The following ATG2B variants were observed in gnomAD, a reference collection of about 807,000 sequenced individuals.
ATG2B encodes autophagy related 2B.
ATG2B carries 121 observed loss-of-function variants against 241.3 expected under a neutral mutation model. The observed-to-expected ratio is 0.50, with a 90% CI of 0.43 to 0.58. ATG2B has a LOEUF of 0.58. Ranked by LOEUF, ATG2B falls within the 20% of genes least tolerant of loss-of-function variation. The pLI, the probability that ATG2B is intolerant of heterozygous loss-of-function variation, is 0.00. For synonymous variants in ATG2B, 858 were observed against 876.6 expected (o/e 0.98, Z 0.37); for missense variants, 2,306 against 2,491.6 (o/e 0.93, Z 1.59).
intron 41 of ATG2B, 41 bp from the exon 42 acceptor site, chr14:96,286,026 C>T: frequency 6.5e-7 from 1 of 1,531,414 alleles, no homozygotes; most frequent in Non-Finnish European, 9.0e-7. Context: ...GGGCAGTGAA[C>T]AAACTCTGGT....
In ATG2B at chr14:96,281,701, A is replaced by G. The variant is rs190999145; in HGVS notation, c.*4054T>C. ...TGCTGCTACCCGGGACATTAGAGAT[A>G]TAACTGAGCCAGCTGAGATGACATT... On this transcript the variant is annotated 3_prime_UTR_variant, in exon 42 of 42. Coordinates refer to ENST00000359933, the MANE Select transcript of ATG2B (RefSeq NM_018036.7). 21 of 152,376 alleles carry G rather than the reference A, an allele frequency of 1.4e-4. No homozygotes were observed. The highest frequency in any genetic ancestry group is 1.3e-3 in the Admixed American group (20 of 15,308). The allele number at this position is 152,376 out of a possible 1,614,324, so 9.4% of individuals were successfully genotyped here. A position where few individuals can be genotyped will look rare whatever the true frequency, so the allele number is the denominator to read the frequency against.
chr14:96,354,842 T>G (rs927219748), intron 1 of ATG2B, among the ~76,000 whole-genome samples: 9 of 152,202 alleles, frequency 5.9e-5, no homozygotes, highest in African/African-American at 2.2e-4. Context: ...CCATTTTGAG[T>G]GGTGCGAGAT....
chr14:96,281,809 G>C lies in ATG2B; in HGVS notation c.*3946C>G, dbSNP rs139947158. On this transcript the variant is annotated 3_prime_UTR_variant, in exon 42 of 42. Coordinates refer to ENST00000359933, the MANE Select transcript of ATG2B (RefSeq NM_018036.7). Reference sequence around the variant, plus strand: ...TTGAAATCAAGGGCCAACAATTGTTGTAGGAAAGCAAAATATACCTCTAAC... The same window carrying C: ...TTGAAATCAAGGGCCAACAATTGTTCTAGGAAAGCAAAATATACCTCTAAC... The C allele has an allele frequency of 1.1e-4, 16 of 152,308 alleles. No individual in the cohort carries two copies. In the East Asian group the frequency reaches 2.9e-3, roughly 28 times the overall value. 9.4% of individuals were successfully genotyped at this position (152,308 alleles called of 1,614,324 possible).
chr14:96,328,520 G>A lies in ATG2B; in HGVS notation c.1990C>T (p.Leu664Phe). The A allele has an allele frequency of 6.3e-7, 1 of 1,598,618 alleles. No individual in the cohort carries two copies. The highest frequency in any genetic ancestry group is 1.1e-5 in the South Asian group (1 of 88,394). The change falls in exon 14 of 42, where the codon CTT becomes TTT. Residue 664 changes from leucine to phenylalanine, a missense_variant. Leu to Phe is a conservative substitution (Grantham distance 22). This residue lies in a region of ATG2B where 1,927 missense variants were observed against 2,011.2 expected (regional missense o/e 0.96). Coordinates refer to ENST00000359933, the MANE Select transcript of ATG2B (RefSeq NM_018036.7). Reference sequence around the variant, plus strand: ...TCTGCCTTGTGAGGAACTGAACTAAGTCTTGCTTGATTACCCTTTTAAAAA... The same window carrying A: ...TCTGCCTTGTGAGGAACTGAACTAAATCTTGCTTGATTACCCTTTTAAAAA... ...NRGPQGNQAR[L>F]SSVPHKAELQ...
Position 96,289,747 on chromosome 14 carries a change from T to C in ATG2B, c.5915A>G (p.Lys1972Arg), listed in dbSNP as rs1350687111. ...GTGATGAGGAAACCTTTTGGTCTTC[T>C]TGGGCTCGATAGAAAGGGTACCAGG... Reference protein sequence around the residue: ...VSPGTLSIEPKKTKRFPHHRL... With the variant: ...VSPGTLSIEPRKTKRFPHHRL... Residue 1972 changes from lysine to arginine, a missense_variant, in exon 41 of 42, where the codon AAG becomes AGG. By Grantham distance (26) the Lys-to-Arg change is conservative. This residue lies in a region of ATG2B where 379 missense variants were observed against 480.4 expected (regional missense o/e 0.79). Coordinates refer to ENST00000359933, the MANE Select transcript of ATG2B (RefSeq NM_018036.7). The surrounding 1 kb of genome is among the most constrained non-coding windows in gnomAD (Gnocchi z 4.3). 2 of 1,614,070 alleles carry C rather than the reference T, an allele frequency of 1.2e-6. No individual in the cohort carries two copies. Among genetic ancestry groups the C allele is most frequent in the East Asian group, 2.2e-5 (1 of 44,898 alleles).
At chr14:96,340,322 G>C (rs1449779072) in intron 6 of ATG2B, among the ~76,000 whole-genome samples, 1 of 150,484 alleles carries the variant, frequency 6.6e-6, no homozygotes, top group Non-Finnish European at 1.5e-5. Flanking sequence ...CAGATGAATG[G>C]ATAAAGAAAA....
rs187048285 is a variant in ATG2B, at chr14:96,340,522, C to A, written c.924+1000G>T. ...GATCTCATGAAGATTCCCCTACTCA[C>A]GAAGAGTAGACTGATGGTTACCAGA... On this transcript the variant is annotated intron_variant, in intron 6 of 41. Coordinates refer to ENST00000359933, the MANE Select transcript of ATG2B (RefSeq NM_018036.7). Among the ~76,000 whole-genome samples, 296 of 151,944 alleles carry A rather than the reference C, an allele frequency of 1.9e-3. 3 individuals are homozygous for A. Among genetic ancestry groups the A allele is most frequent in the Non-Finnish European group, 2.9e-3 (199 of 67,938 alleles).
chr14:96,356,836 T>C (rs1003693364), intron 1 of ATG2B, among the ~76,000 whole-genome samples: 19 of 152,092 alleles, frequency 1.2e-4, no homozygotes, highest in African/African-American at 4.6e-4. Context: ...TAAGCTTGAG[T>C]AAGTTATTTA....
intron 29 of ATG2B, among the ~76,000 whole-genome samples, chr14:96,307,641 G>A (rs1387946923): frequency 2.0e-5 from 3 of 151,976 alleles, no homozygotes; most frequent in Non-Finnish European, 2.9e-5. Context: ...ACAATGTGAG[G>A]GGAAACTGGT....
rs184815781 is a variant in ATG2B, at chr14:96,342,578, C to T, written c.744+541G>A. On this transcript the variant is annotated intron_variant, in intron 5 of 41. Transcript: ENST00000359933. ...CTCTACTAAAAATACAAAAATTAGC[C>T]GGGCATGGTAGCATGTGCCTGTAAT... Among the ~76,000 whole-genome samples the T allele has an allele frequency of 6.7e-3, 1,019 of 151,850 alleles. 5 individuals are homozygous for T. The highest frequency in any genetic ancestry group is 0.012 in the Non-Finnish European group (803 of 67,936).
intron 18 of ATG2B, among the ~76,000 whole-genome samples, chr14:96,321,752 G>GGGGT (rs1173384745): frequency 3.9e-5 from 6 of 152,166 alleles, no homozygotes; most frequent in Admixed American, 3.9e-4. Context: ...TACAATGAAT[G>GGGGT]GGGTTCTGAT....
intron 37 of ATG2B, 76 bp from the exon 38 acceptor site, chr14:96,291,758 A>G: frequency 9.1e-7 from 1 of 1,101,480 alleles, no homozygotes. Context: ...TGTTATTTTG[A>G]AAGTCAAAGC....
At chr14:96,323,219 A>C (rs1261647277) in intron 16 of ATG2B, among the ~76,000 whole-genome samples, 1 of 152,202 alleles carries the variant, frequency 6.6e-6, no homozygotes, top group Non-Finnish European at 1.5e-5. Context: ...TCATCTAGTA[A>C]TTTCAATAAT....
Position 96,341,511 on chromosome 14 carries a change from C to CA in ATG2B, c.924+10dup, listed in dbSNP as rs779682868. The CA allele has an allele frequency of 6.4e-7, 1 of 1,552,572 alleles. No homozygotes were observed. ...TTTGGTTTTACTACAGAAAGTGAAA[C>CA]AAACACTGACCTTAGCTCCAGGAAG... On this transcript the variant is annotated intron_variant, in intron 6 of 41. Coordinates refer to ENST00000359933, the MANE Select transcript of ATG2B (RefSeq NM_018036.7).
At chr14:96,291,057 C>CTTTTG (rs1480646831) in intron 38 of ATG2B, 122 bp from the exon 39 acceptor site, 2 of 775,624 alleles carry the variant, frequency 2.6e-6, no homozygotes, top group Non-Finnish European at 3.9e-6. Flanking sequence ...ATTACAGGTG[C>CTTTTG]TTCAAAAACA....
At chr14:96,304,894 T>C (rs998677234) in intron 31 of ATG2B, among the ~76,000 whole-genome samples, 9 of 152,152 alleles carry the variant, frequency 5.9e-5, no homozygotes, top group African/African-American at 1.9e-4. Flanking sequence ...CACTTAGAAA[T>C]GAGACCTCCT....
intron 18 of ATG2B, chr14:96,318,141 T>C (rs1200239903): frequency 4.7e-6 from 1 of 214,052 alleles, no homozygotes; most frequent in Non-Finnish European, 9.1e-6. Flanking sequence ...TACATCAAAT[T>C]ACAAATTCAT....
At chr14:96,317,913 C>G in intron 18 of ATG2B, 58 bp from the exon 19 acceptor site, 1 of 1,237,400 alleles carries the variant, frequency 8.1e-7, no homozygotes, top group Non-Finnish European at 1.1e-6. Flanking sequence ...AGAAGGCAAA[C>G]TTAAAAAAAA....
chr14:96,318,806 T>C (rs371540794), intron 18 of ATG2B, among the ~76,000 whole-genome samples: 2 of 152,180 alleles, frequency 1.3e-5, no homozygotes, highest in East Asian at 3.9e-4. Flanking sequence ...CGTCTTCTAG[T>C]AAACCCATCG....
Sources: allele counts gnomAD v4.1 joint callset (sites outside exome capture counted in the v4.1 genomes callset), GRCh38; gene constraint gnomAD v4.1.1; regional missense constraint gnomAD v4.1.1; non-coding constraint Gnocchi (gnomAD v3.1); transcripts MANE v1.5; gene names NCBI Gene and HGNC (gene_info 2026-07-23, HGNC 2026-07-21).